The following YWHAB variants were observed in gnomAD, a reference collection of about 807,000 sequenced individuals.
YWHAB encodes the protein 14-3-3 protein beta/alpha.
Under a neutral mutation model 28.5 loss-of-function variants are expected in YWHAB, and 2 were observed. The observed-to-expected ratio is 0.07, with a 90% CI of 0.03 to 0.22. The LOEUF (loss-of-function observed/expected upper bound fraction) is 0.22, where lower values mean the gene tolerates loss of function less well. YWHAB is among the 10% of genes least tolerant of loss of function. YWHAB has a pLI of 1.00. For missense variants in YWHAB, 148 were observed against 297.1 expected (o/e 0.50, Z 3.69); for synonymous variants, 103 against 104.7 (o/e 0.98, Z 0.10).
chr20:44,895,858 T>G (rs1351446441), intron 1 of YWHAB, among the ~76,000 whole-genome samples: 1 of 152,228 alleles, frequency 6.6e-6, no homozygotes, highest in Non-Finnish European at 1.5e-5. Context: ...CTTGTGAGGC[T>G]AATAGGTGCT....
At chr20:44,905,627 T>C in intron 4 of YWHAB, 1 of 168,194 alleles carries the variant, frequency 5.9e-6, no homozygotes, top group Non-Finnish European at 1.3e-5. Flanking sequence ...TTTAGTGATG[T>C]GAGTTTCCAG....
At position 44,889,958 on chromosome 20, in the gene YWHAB, G is replaced by C. The variant is rs76430823; in HGVS notation, c.-4+4072G>C. 1.0e-3 allele frequency among the ~76,000 whole-genome samples: 152 copies of C among 152,268 alleles called. 1 individual carries two copies. The highest frequency in any genetic ancestry group is 3.3e-3 in the African/African-American group (138 of 41,542). On this transcript the variant is annotated intron_variant, in intron 1 of 5. Transcript: ENST00000353703. Reference sequence around the variant, plus strand: ...GATCCCAGATCTGCCATATATAGCTGTGTGACCCTGAATGAGTTAACTCTT... The same window carrying C: ...GATCCCAGATCTGCCATATATAGCTCTGTGACCCTGAATGAGTTAACTCTT...
At chr20:44,906,223 T>C (rs2066655122) in intron 5 of YWHAB, 127 bp downstream of exon 5, 17 of 1,138,816 alleles carry the variant, frequency 1.5e-5, no homozygotes, top group South Asian at 2.8e-5. Context: ...AAATTTGTTA[T>C]AAATGACTGC....
At chr20:44,890,798 C>T (rs2066557012) in intron 1 of YWHAB, among the ~76,000 whole-genome samples, 1 of 151,764 alleles carries the variant, frequency 6.6e-6, no homozygotes, top group African/African-American at 2.4e-5. Context: ...CGTGAGCCAC[C>T]ACGCCTGGCT....
In YWHAB at chr20:44,907,251, G is replaced by A. The variant is rs1220785766; in HGVS notation, c.*813G>A. On this transcript the variant is annotated 3_prime_UTR_variant, in exon 6 of 6. Transcript: ENST00000353703. ...AAAAAAAGCCGTGTGTTTTATGAAT[G>A]ACCTTATCTGTTTCCTGGATAATAC... is the stretch of plus-strand genomic sequence containing the variant. 6.6e-6 allele frequency: 1 copy of A among 152,364 alleles called. No homozygotes were observed. Among genetic ancestry groups the A allele is most frequent in the African/African-American group, 2.4e-5 (1 of 41,440 alleles). 9.4% of individuals were successfully genotyped at this position (152,364 alleles called of 1,614,324 possible).
chr20:44,891,841 G>A (rs963626957), intron 1 of YWHAB, among the ~76,000 whole-genome samples: 3 of 152,208 alleles, frequency 2.0e-5, no homozygotes, highest in Non-Finnish European at 2.9e-5. Context: ...CAGATATGCT[G>A]TGTTTTGTTT....
Position 44,905,272 on chromosome 20 carries a change from A to G in YWHAB, c.588+141A>G, listed in dbSNP as rs1236288644. On this transcript the variant is annotated intron_variant, in intron 4 of 5. Transcript: ENST00000353703. ...GGTGGGAGTGTATCTTTTATGAGATAAATACAGATCTGTTACTTTTTTAAT... is the reference window on the plus strand; with the variant it reads ...GGTGGGAGTGTATCTTTTATGAGATGAATACAGATCTGTTACTTTTTTAAT... 10 of 737,248 alleles carry G rather than the reference A, an allele frequency of 1.4e-5. No individual in the cohort carries two copies. The East Asian group carries it at 2.9e-4, about 22-fold the overall frequency. 45.7% of individuals were successfully genotyped at this position (737,248 alleles called of 1,614,324 possible). A position where few individuals can be genotyped will look rare whatever the true frequency, so the allele number is the denominator to read the frequency against.
intron 1 of YWHAB, among the ~76,000 whole-genome samples, chr20:44,893,375 G>GA (rs1291552846): frequency 6.6e-6 from 1 of 151,966 alleles, no homozygotes; most frequent in Non-Finnish European, 1.5e-5. Flanking sequence ...TCTTTAAACA[G>GA]AAAAACACTT....
chr20:44,886,558 A>C (rs1355637447), intron 1 of YWHAB: 1 of 152,210 alleles, frequency 6.6e-6, no homozygotes, highest in East Asian at 1.9e-4. Flanking sequence ...AAAAAATATC[A>C]GGGGGTGAGA....
chr20:44,892,187 C>G (rs1020598017), intron 1 of YWHAB, among the ~76,000 whole-genome samples: 2 of 152,186 alleles, frequency 1.3e-5, no homozygotes, highest in African/African-American at 2.4e-5. Flanking sequence ...GTTCCTTACC[C>G]CATTGAAACA....
chr20:44,904,020 A>G lies in YWHAB; in HGVS notation c.328A>G (p.Asn110Asp), dbSNP rs955232966. ...GCTGTTGGACAAATATCTTATTCCCAATGCTACACAACCAGAAAGTAAGGT... is the reference window on the plus strand; with the variant it reads ...GCTGTTGGACAAATATCTTATTCCCGATGCTACACAACCAGAAAGTAAGGT... ...LELLDKYLIP[N>D]ATQPESKVFY... Residue 110 changes from asparagine to aspartate, a missense_variant, in exon 3 of 6, where the codon AAT becomes GAT. By Grantham distance (23) the Asn-to-Asp change is conservative. This residue lies in a region of YWHAB where 110 missense variants were observed against 177.9 expected (regional missense o/e 0.62). Coordinates refer to ENST00000353703, the MANE Select transcript of YWHAB (RefSeq NM_139323.4). 10 of 1,597,834 alleles carry G rather than the reference A, an allele frequency of 6.3e-6. No individual in the cohort carries two copies. Among genetic ancestry groups the G allele is most frequent in the Non-Finnish European group, 8.5e-6 (10 of 1,176,258 alleles).
chr20:44,901,594 T>C lies in YWHAB; in HGVS notation c.61T>C (p.Tyr21His). The C allele has an allele frequency of 6.2e-7, 1 of 1,613,816 alleles. No homozygotes were observed. The highest frequency in any genetic ancestry group is 8.5e-7 in the Non-Finnish European group (1 of 1,179,764). The part of the protein sequence containing the change: ...KAKLAEQAER[Y>H]DDMAAAMKAV... Reference sequence around the variant, plus strand: ...CAAACTCGCTGAGCAGGCTGAGCGATATGATGATATGGCTGCAGCCATGAA... The same window carrying C: ...CAAACTCGCTGAGCAGGCTGAGCGACATGATGATATGGCTGCAGCCATGAA... Residue 21 changes from tyrosine to histidine, a missense_variant, in exon 2 of 6, where the codon TAT becomes CAT. Tyr to His is a moderately conservative substitution (Grantham distance 83). Around this residue, in one of 2 missense-constraint regions of YWHAB, gnomAD observed 110 missense variants for 177.9 expected, o/e 0.62. Coordinates refer to ENST00000353703, the MANE Select transcript of YWHAB (RefSeq NM_139323.4).
Position 44,886,572 on chromosome 20 carries a change from G to A in YWHAB, c.-4+686G>A, listed in dbSNP as rs1271038386. The A allele has an allele frequency of 3.3e-5, 5 of 152,308 alleles. No individual in the cohort carries two copies. In the East Asian group the frequency reaches 7.7e-4, roughly 23 times the overall value. The allele number at this position is 152,308 out of a possible 1,614,324, so 9.4% of individuals were successfully genotyped here. A position where few individuals can be genotyped will look rare whatever the true frequency, so the allele number is the denominator to read the frequency against. On this transcript the variant is annotated intron_variant, in intron 1 of 5. Coordinates refer to ENST00000353703, the MANE Select transcript of YWHAB (RefSeq NM_139323.4). Reference sequence around the variant, plus strand: ...GAAAAAATATCAGGGGGTGAGAATCGGAGTATTTTCTCACAGTATTTACCG... The same window carrying A: ...GAAAAAATATCAGGGGGTGAGAATCAGAGTATTTTCTCACAGTATTTACCG...
intron 1 of YWHAB, among the ~76,000 whole-genome samples, chr20:44,890,500 CTTTTTTTTTTT>C (rs35619333): frequency 1.2e-5 from 1 of 86,390 alleles, no homozygotes; most frequent in African/African-American, 4.5e-5. Context: ...TGGATTCCTA[CTTTTTTTTTTT>C]TTTTTTTTTT....
intron 1 of YWHAB, among the ~76,000 whole-genome samples, chr20:44,891,123 TG>T (rs2066559017): frequency 1.3e-5 from 2 of 152,054 alleles, no homozygotes; most frequent in Admixed American, 6.6e-5. Context: ...GATTTGCCTA[TG>T]TTTTTTTTTT....
Position 44,903,093 on chromosome 20 carries a change from G to A in YWHAB, c.301-900G>A, listed in dbSNP as rs1049978145. On this transcript the variant is annotated intron_variant, in intron 2 of 5. Transcript: ENST00000353703. ...TCGAAAATATTGCTCTGTATACGAA[G>A]CTTGGACTCCTTCAGAACTACTTTT... 4 of 986,558 alleles carry A rather than the reference G, an allele frequency of 4.1e-6. No homozygotes were observed. The African/African-American group carries it at 7.0e-5, about 17-fold the overall frequency. 61.1% of individuals were successfully genotyped at this position (986,558 alleles called of 1,614,324 possible).
Position 44,903,933 on chromosome 20 carries a change from C to G in YWHAB, c.301-60C>G, listed in dbSNP as rs1001544253. On this transcript the variant is annotated intron_variant, in intron 2 of 5. Transcript: ENST00000353703. The stretch of plus-strand genomic sequence containing the variant: ...AAGCAGTAGTGTATATCTTGAATCT[C>G]AAACATAGTTTTAACATCTCGTGAA... 7 of 1,557,280 alleles carry G rather than the reference C, an allele frequency of 4.5e-6. No individual in the cohort carries two copies. The African/African-American group carries it at 8.4e-5, about 19-fold the overall frequency.
Position 44,901,451 on chromosome 20 carries a change from G to GT in YWHAB, c.-3-78dup, listed in dbSNP as rs1324295453. ...ATTTAGTATGCTGCTTTCCAGATGGGTTGGAAGAAGATTCACACACGTTTC... is the reference window on the plus strand; with the variant it reads ...ATTTAGTATGCTGCTTTCCAGATGGGTTTGGAAGAAGATTCACACACGTTTC... On this transcript the variant is annotated intron_variant, in intron 1 of 5. Transcript: ENST00000353703. 4 of 1,407,594 alleles carry GT rather than the reference G, an allele frequency of 2.8e-6. No individual in the cohort carries two copies. The Admixed American group carries it at 8.8e-5, about 31-fold the overall frequency. The allele number at this position is 1,407,594 out of a possible 1,614,324, so 87.2% of individuals were successfully genotyped here. A position where few individuals can be genotyped will look rare whatever the true frequency, so the allele number is the denominator to read the frequency against.
chr20:44,897,910 C>G (rs1384265565), intron 1 of YWHAB, among the ~76,000 whole-genome samples: 1 of 152,192 alleles, frequency 6.6e-6, no homozygotes, highest in Non-Finnish European at 1.5e-5. Flanking sequence ...GAGTCTTGCA[C>G]TATACAGTCA....
Sources: gnomAD v4.1 joint callset for allele counts (sites outside exome capture counted in the v4.1 genomes callset) on GRCh38, gnomAD v4.1.1 for gene constraint, gnomAD v4.1.1 regional missense constraint, MANE v1.5 for transcripts, NCBI Gene and HGNC (gene_info 2026-07-23, HGNC 2026-07-21) for gene names.